TVP23C: variants seen among roughly 807,000 people sequenced by gnomAD.
The protein encoded by TVP23C is Golgi apparatus membrane protein TVP23 homolog C.
In TVP23C, 19 loss-of-function variants were observed where a neutral mutation model predicts 28.7. The observed-to-expected ratio is 0.66, with a 90% confidence interval of 0.46 to 0.97. The LOEUF (loss-of-function observed/expected upper bound fraction) is 0.97, where lower values mean the gene tolerates loss of function less well. TVP23C is among the 50% of genes least tolerant of loss of function. The pLI is 0.00. For synonymous variants in TVP23C, 68 were observed against 81.7 expected (o/e 0.83, Z 0.90); for missense variants, 186 against 241.3 (o/e 0.77, Z 1.52).
intron 2 of TVP23C, 146 bp downstream of exon 2, chr17:15,555,136 T>G: frequency 8.9e-7 from 1 of 1,129,002 alleles, no homozygotes; most frequent in Non-Finnish European, 1.2e-6. Context: ...AATGTCATCT[T>G]TGTCTTACAC....
intron 5 of TVP23C, among the ~76,000 whole-genome samples, chr17:15,523,113 G>A (rs961107000): frequency 6.6e-6 from 1 of 151,402 alleles, no homozygotes; most frequent in African/African-American, 2.4e-5. Flanking sequence ...GGGTTCAAGT[G>A]ATTCTCCTGC....
At chr17:15,552,516 T>C (rs1361408509) in intron 3 of TVP23C, among the ~76,000 whole-genome samples, 1 of 152,038 alleles carries the variant, frequency 6.6e-6, no homozygotes, top group Non-Finnish European at 1.5e-5. Context: ...ACCCCGTCTG[T>C]ACTAAAAATA....
chr17:15,525,677 T>TGTGCATGTGTGTGTGC (rs1982690985), intron 5 of TVP23C, among the ~76,000 whole-genome samples: 1 of 152,220 alleles, frequency 6.6e-6, no homozygotes, highest in Admixed American at 6.5e-5. Flanking sequence ...TGTGTGTGTG[T>TGTGCATGTGTGTGTGC]GTGCATGTGT....
chr17:15,553,648 T>A (rs776391761), intron 3 of TVP23C, 37 bp downstream of exon 3: 3 of 1,558,348 alleles, frequency 1.9e-6, no homozygotes, highest in East Asian at 4.7e-5. Context: ...CATTTTCATA[T>A]TAAATATAAT....
At chr17:15,516,393 T>C (rs557824421) in intron 5 of TVP23C, 1 of 152,274 alleles carries the variant, frequency 6.6e-6, no homozygotes, top group South Asian at 2.1e-4. Context: ...ACTGGGTGGA[T>C]TAAACAACAG....
At position 15,537,923 on chromosome 17, in the gene TVP23C, C is replaced by T. The variant is rs1012213570; in HGVS notation, c.*2489G>A. The T allele has an allele frequency of 7.0e-7, 1 of 1,437,248 alleles. No homozygotes were observed. The highest frequency in any genetic ancestry group is 9.1e-7 in the Non-Finnish European group (1 of 1,097,054). 89.0% of individuals were successfully genotyped at this position (1,437,248 alleles called of 1,614,324 possible). On this transcript the variant is annotated 3_prime_UTR_variant, in exon 6 of 6. Coordinates refer to ENST00000518321, the MANE Select transcript of TVP23C (RefSeq NM_001135036.2). ...ACAAATCTTAACAATGTTTCTAGTG[C>T]CAACATATACTTTCTAGCCCCAACT...
At chr17:15,554,535 C>G (rs978036414) in intron 2 of TVP23C, among the ~76,000 whole-genome samples, 1 of 152,174 alleles carries the variant, frequency 6.6e-6, no homozygotes, top group Admixed American at 6.5e-5. Context: ...TCGCGCCCAG[C>G]CTGTTTCTTG....
Position 15,537,869 on chromosome 17 carries a change from C to G in TVP23C, c.*2543G>C, listed in dbSNP as rs1436519580. ...AGGTATTACATGGCCGTGTGCATAC[C>G]TATGGAATGTGCATACCTACACCAC... On this transcript the variant is annotated 3_prime_UTR_variant, in exon 6 of 6. Coordinates refer to ENST00000518321, the MANE Select transcript of TVP23C (RefSeq NM_001135036.2). 5.6e-5 allele frequency: 77 copies of G among 1,373,658 alleles called. No homozygotes were observed. Among genetic ancestry groups the G allele is most frequent in the Non-Finnish European group, 7.5e-6 (8 of 1,065,454 alleles). The allele number at this position is 1,373,658 out of a possible 1,614,324, so 85.1% of individuals were successfully genotyped here. A position where few individuals can be genotyped will look rare whatever the true frequency, so the allele number is the denominator to read the frequency against.
chr17:15,516,399 A>G (rs993144698), intron 5 of TVP23C: 1 of 152,266 alleles, frequency 6.6e-6, no homozygotes, highest in African/African-American at 2.4e-5. Context: ...TGGATTAAAC[A>G]ACAGAAATGT....
At chr17:15,522,243 T>TA (rs1255192572) in intron 5 of TVP23C, among the ~76,000 whole-genome samples, 1 of 152,140 alleles carries the variant, frequency 6.6e-6, no homozygotes, top group African/African-American at 2.4e-5. Flanking sequence ...TTTATGTTCT[T>TA]AGAGTAAAAA....
chr17:15,519,022 C>T (rs529978384), intron 5 of TVP23C, among the ~76,000 whole-genome samples: 4 of 152,224 alleles, frequency 2.6e-5, no homozygotes, highest in African/African-American at 9.6e-5. Context: ...CGCTCTCCTG[C>T]CATCATGTTA....
Position 15,537,482 on chromosome 17 carries a change from A to G in TVP23C, c.*2930T>C. 1.0e-6 allele frequency: 1 copy of G among 985,110 alleles called. No individual in the cohort carries two copies. Among genetic ancestry groups the G allele is most frequent in the African/African-American group, 1.7e-5 (1 of 57,356 alleles). 61.0% of individuals were successfully genotyped at this position (985,110 alleles called of 1,614,324 possible). Reference sequence around the variant, plus strand: ...GCAATCTCTGGGTATTCCTTAAACTATGATGATTCCACTTATATTAACTGG... The same window carrying G: ...GCAATCTCTGGGTATTCCTTAAACTGTGATGATTCCACTTATATTAACTGG... On this transcript the variant is annotated 3_prime_UTR_variant, in exon 6 of 6. Coordinates refer to ENST00000518321, the MANE Select transcript of TVP23C (RefSeq NM_001135036.2).
At chr17:15,511,704 T>C (rs1035373983) in intron 5 of TVP23C, among the ~76,000 whole-genome samples, 4 of 152,196 alleles carry the variant, frequency 2.6e-5, no homozygotes, top group Non-Finnish European at 4.4e-5. Context: ...TGGGCTTCCC[T>C]TGTCCCCACT....
intron 3 of TVP23C, among the ~76,000 whole-genome samples, chr17:15,550,100 G>A (rs1983823572): frequency 6.6e-6 from 1 of 151,772 alleles, no homozygotes; most frequent in Admixed American, 6.6e-5. Context: ...GCTTGTTTTT[G>A]AAATTTCTGG....
At chr17:15,556,632 G>A (rs1024768062) in intron 1 of TVP23C, among the ~76,000 whole-genome samples, 4 of 152,134 alleles carry the variant, frequency 2.6e-5, no homozygotes, top group African/African-American at 9.7e-5. Flanking sequence ...GGGATTACAG[G>A]CGTGAGCCAC....
intron 5 of TVP23C, among the ~76,000 whole-genome samples, chr17:15,511,045 C>T (rs938551742): frequency 4.6e-5 from 5 of 108,802 alleles, no homozygotes; most frequent in Non-Finnish European, 8.8e-5. Context: ...CAGGGCCAGA[C>T]TTCGTCTCAA....
At chr17:15,529,941 G>A (rs1301708399) in intron 5 of TVP23C, among the ~76,000 whole-genome samples, 1 of 151,988 alleles carries the variant, frequency 6.6e-6, no homozygotes, top group Non-Finnish European at 1.5e-5. Flanking sequence ...TGGGATTACA[G>A]GTGCCCACCA....
intron 5 of TVP23C, among the ~76,000 whole-genome samples, chr17:15,513,093 G>A (rs1362085914): frequency 6.6e-6 from 1 of 152,110 alleles, no homozygotes; most frequent in Admixed American, 6.5e-5. Context: ...CCTTCTCTTT[G>A]TACTATGCGA....
At chr17:15,506,025 G>A (rs1981720383) in intron 5 of TVP23C, among the ~76,000 whole-genome samples, 1 of 152,246 alleles carries the variant, frequency 6.6e-6, no homozygotes, top group Non-Finnish European at 1.5e-5. Context: ...GCCACCCCCT[G>A]CTCCACAGCG....
Sources: gnomAD v4.1 joint callset for allele counts (sites outside exome capture counted in the v4.1 genomes callset) on GRCh38, gnomAD v4.1.1 for gene constraint, MANE v1.5 for transcripts, NCBI Gene and HGNC (gene_info 2026-07-23, HGNC 2026-07-21) for gene names.